The following CDC16 variants were observed in gnomAD, a reference collection of about 807,000 sequenced individuals.
The protein encoded by CDC16 is cell division cycle 16.
Under a neutral mutation model 87.0 loss-of-function variants are expected in CDC16, and 34 were observed. The ratio of observed to expected loss-of-function variants is 0.39; its 90% CI spans 0.30 to 0.52. The LOEUF is 0.52. Ranked by LOEUF, CDC16 falls within the 20% of genes least tolerant of loss-of-function variation. CDC16 has a pLI of 0.74. For synonymous variants in CDC16, 263 were observed against 260.6 expected, an observed-to-expected ratio of 1.01 and a Z score of -0.09; for missense variants, 653 against 751.9, an observed-to-expected ratio of 0.87 and a Z score of 1.54.
At chr13:114,270,880 G>A (rs1484893588) in intron 17 of CDC16, among the ~76,000 whole-genome samples, 1 of 151,760 alleles carries the variant, frequency 6.6e-6, no homozygotes, top group East Asian at 1.9e-4. Context: ...ATGAGTCAGA[G>A]GGATGTCTCC....
intron 11 of CDC16, among the ~76,000 whole-genome samples, chr13:114,250,043 C>T (rs1442388096): frequency 6.6e-6 from 1 of 152,138 alleles, no homozygotes; most frequent in Admixed American, 6.5e-5. Flanking sequence ...TAAATACTAG[C>T]TGGGCACAGT....
At chr13:114,244,630 A>G (rs1203106052) in intron 8 of CDC16, 6 of 292,140 alleles carry the variant, frequency 2.1e-5, no homozygotes, top group Non-Finnish European at 3.8e-5. Flanking sequence ...TTTATGTATT[A>G]CAATTCTGTT....
At chr13:114,259,304 T>C in intron 13 of CDC16, 31 bp from the exon 14 acceptor site, 1 of 1,535,496 alleles carries the variant, frequency 6.5e-7, no homozygotes, top group Non-Finnish European at 8.8e-7. Context: ...TAATTTCGAA[T>C]AATCTGCAAC....
rs1225648643 is a variant in CDC16 at position 114,265,215 on chromosome 13, C to T, written c.1578C>T (p.Tyr526=). 20 of 1,608,430 alleles carry T rather than the reference C, an allele frequency of 1.2e-5. No homozygotes were observed. The highest frequency in any genetic ancestry group is 1.7e-5 in the Admixed American group (1 of 60,004). ...VTMLGHCIEM[Y]IGDSEAYIGA... is the part of the protein sequence containing the mutation. ...TGCTTGGTCATTGCATCGAAATGTA[C>T]ATTGGTGATTCTGAAGCTTATATTG... The change falls in exon 17 of 18, where the codon TAC becomes TAT. Residue 526 remains tyrosine (Y), a synonymous_variant. Transcript: ENST00000356221.
chr13:114,235,475 C>T (rs1389305214), intron 1 of CDC16, among the ~76,000 whole-genome samples: 1 of 152,198 alleles, frequency 6.6e-6, no homozygotes, highest in East Asian at 1.9e-4. Flanking sequence ...GCAGGGCTAG[C>T]TAATAAAACA....
chr13:114,261,709 T>C (rs932413096), intron 14 of CDC16, among the ~76,000 whole-genome samples, 178 bp from the exon 15 acceptor site: 2 of 151,912 alleles, frequency 1.3e-5, no homozygotes, highest in Admixed American at 1.3e-4. Context: ...CCTCAGGAAG[T>C]CTCCTAGTAG....
At position 114,236,817 on chromosome 13, in the gene CDC16, A is replaced by T; in HGVS notation, c.122A>T (p.Tyr41Phe). The T allele has an allele frequency of 6.2e-7, 1 of 1,613,542 alleles. No individual in the cohort carries two copies. Among genetic ancestry groups the T allele is most frequent in the Non-Finnish European group, 8.5e-7 (1 of 1,179,666 alleles). The change falls in exon 3 of 18, where the codon TAT becomes TTT. Residue 41 changes from tyrosine (Y) to phenylalanine (F), a missense_variant. Physicochemically the swap from Tyr to Phe is conservative, Grantham distance 22. Transcript: ENST00000356221. Reference sequence around the variant, plus strand: ...CCTCCAGAAGAACCCCAGGACATCTATTGGTTGGCTCAGTGTCTTTACCTG... The same window carrying T: ...CCTCCAGAAGAACCCCAGGACATCTTTTGGTTGGCTCAGTGTCTTTACCTG... ...SLSREEPQDI[Y>F]WLAQCLYLTA...
intron 13 of CDC16, 22 bp from the exon 14 acceptor site, chr13:114,259,313 A>C: frequency 6.4e-7 from 1 of 1,557,496 alleles, no homozygotes; most frequent in Non-Finnish European, 8.6e-7. Flanking sequence ...ATAATCTGCA[A>C]CCTTTTTTCC....
intron 9 of CDC16, among the ~76,000 whole-genome samples, chr13:114,245,412 T>C (rs1023333381): frequency 3.9e-5 from 6 of 152,156 alleles, no homozygotes; most frequent in Non-Finnish European, 8.8e-5. Context: ...GGGATGCATT[T>C]GTCCTTAAAT....
At position 114,272,722 on chromosome 13, in the gene CDC16, A is replaced by G. The variant is rs1365052000; in HGVS notation, c.*279A>G. 1 of 282,598 alleles carries G rather than the reference A, an allele frequency of 3.5e-6. No individual in the cohort carries two copies. The highest frequency in any genetic ancestry group is 5.1e-5 in the Admixed American group (1 of 19,762). The allele number at this position is 282,598 out of a possible 1,614,324, so 17.5% of individuals were successfully genotyped here. A position where few individuals can be genotyped will look rare whatever the true frequency, so the allele number is the denominator to read the frequency against. ...TTCCAATAAACTTTTATTTTGGACT[A>G]ATTTTTGATTTACAGAAAAATGGCA... On this transcript the variant is annotated 3_prime_UTR_variant, in exon 18 of 18. Transcript: ENST00000356221.
chr13:114,236,408 C>A (rs572996939), intron 1 of CDC16, among the ~76,000 whole-genome samples: 1 of 152,248 alleles, frequency 6.6e-6, no homozygotes, highest in South Asian at 2.1e-4. Context: ...TAAAAAATTA[C>A]CTTCATAAGT....
intron 14 of CDC16, among the ~76,000 whole-genome samples, chr13:114,260,978 G>C (rs529465943): frequency 6.6e-6 from 1 of 152,140 alleles, no homozygotes; most frequent in South Asian, 2.1e-4. Flanking sequence ...ATCAACTGGC[G>C]AATGTAAGTA....
intron 14 of CDC16, among the ~76,000 whole-genome samples, chr13:114,260,228 G>C (rs1300801799): frequency 6.6e-6 from 1 of 152,162 alleles, no homozygotes; most frequent in Non-Finnish European, 1.5e-5. Flanking sequence ...TGTCCCCATA[G>C]ACACAGCTTT....
intron 11 of CDC16, among the ~76,000 whole-genome samples, chr13:114,249,807 AAT>A (rs1391866821): frequency 1.4e-4 from 21 of 152,338 alleles, no homozygotes; most frequent in Middle Eastern, 3.4e-3. Flanking sequence ...TGGATTAAGT[AAT>A]ATCTGTAAGT....
chr13:114,269,069 C>T (rs1286795279), intron 17 of CDC16, among the ~76,000 whole-genome samples: 2 of 152,170 alleles, frequency 1.3e-5, no homozygotes, highest in African/African-American at 4.8e-5. Context: ...GTTATTTTTA[C>T]AATTCTGTGG....
chr13:114,253,145 A>C (rs763533281), intron 12 of CDC16, among the ~76,000 whole-genome samples: 1 of 152,154 alleles, frequency 6.6e-6, no homozygotes, highest in Non-Finnish European at 1.5e-5. Context: ...TTTTCTTTCA[A>C]GTTTACTTAT....
At chr13:114,259,053 C>G (rs113389702) in intron 13 of CDC16, among the ~76,000 whole-genome samples, 3 of 147,094 alleles carry the variant, frequency 2.0e-5, no homozygotes, top group African/African-American at 7.6e-5. Flanking sequence ...GAGCTGAGAT[C>G]GCACCACTGC....
intron 6 of CDC16, 45 bp downstream of exon 6, chr13:114,242,325 T>C: frequency 6.3e-7 from 1 of 1,576,416 alleles, no homozygotes; most frequent in Non-Finnish European, 8.6e-7. Flanking sequence ...GCAAAATTAA[T>C]ATTGTTTGGA....
At chr13:114,240,371 G>T (rs939366324) in intron 5 of CDC16, among the ~76,000 whole-genome samples, 2 of 151,984 alleles carry the variant, frequency 1.3e-5, no homozygotes, top group Non-Finnish European at 2.9e-5. Context: ...CACCATGCCC[G>T]GCTAATTTTT....
Sources: gnomAD v4.1 joint callset for allele counts (sites outside exome capture counted in the v4.1 genomes callset) on GRCh38, gnomAD v4.1.1 for gene constraint, MANE v1.5 for transcripts, NCBI Gene and HGNC (gene_info 2026-07-23, HGNC 2026-07-21) for gene names.